RARB: variants seen among roughly 807,000 people sequenced by gnomAD.
The protein encoded by RARB is retinoic acid receptor beta.
In RARB, 17 loss-of-function variants were observed where a neutral mutation model predicts 51.9. That is an observed-to-expected ratio of 0.33 (90% CI 0.22 to 0.49). The LOEUF (loss-of-function observed/expected upper bound fraction) is 0.49. Ranked by LOEUF, RARB falls within the 20% of genes least tolerant of loss-of-function variation. The pLI is 0.99. For synonymous variants in RARB, 215 were observed against 195.4 expected (o/e 1.10, Z -0.84); for missense variants, 369 against 550.8 (o/e 0.67, Z 3.30).
intron 4 of RARB, among the ~76,000 whole-genome samples, chr3:25,147,914 C>T (rs1404216196): frequency 6.6e-6 from 1 of 152,190 alleles, no homozygotes; most frequent in Non-Finnish European, 1.5e-5. Context: ...ACATTGAATA[C>T]ATCTGTAATT....
In RARB at chr3:25,171,690, C is replaced by T. The variant is rs193125797; in HGVS notation, c.-279-2429C>T. Among the ~76,000 whole-genome samples, 37 of 111,222 alleles carry T rather than the reference C, an allele frequency of 3.3e-4. 2 individuals are homozygous for T. The South Asian group carries it at 9.6e-3, about 29-fold the overall frequency. 73.0% of individuals were successfully genotyped at this position (111,222 alleles called of 152,430 possible). On this transcript the variant is annotated intron_variant, in intron 4 of 11. Coordinates refer to the RARB transcript ENST00000383772. ...CTTTAAAAATCAGAATTGTGCCCTG[C>T]GGGGGTGGATTTGCTGAACTGTCAG...
At chr3:24,885,666 A>G (rs1259054162) in intron 2 of RARB, among the ~76,000 whole-genome samples, 2 of 152,274 alleles carry the variant, frequency 1.3e-5, no homozygotes, top group East Asian at 3.9e-4. Context: ...CAGTGTTAAG[A>G]TTCCTCAGCT....
At chr3:25,045,094 T>C (rs1312141932) in intron 2 of RARB, among the ~76,000 whole-genome samples, 2 of 152,292 alleles carry the variant, frequency 1.3e-5, no homozygotes, top group African/African-American at 4.8e-5. Flanking sequence ...TCAGGAGGTT[T>C]GAGAGGAGCG....
intron 3 of RARB, among the ~76,000 whole-genome samples, chr3:25,542,640 T>A (rs914687108): frequency 6.6e-6 from 1 of 152,248 alleles, no homozygotes; most frequent in Non-Finnish European, 1.5e-5. Flanking sequence ...TAACGAAGCT[T>A]TGCAGCTGTG....
At chr3:25,546,967 T>C (rs1245063208) in intron 3 of RARB, among the ~76,000 whole-genome samples, 1 of 152,228 alleles carries the variant, frequency 6.6e-6, no homozygotes, top group African/African-American at 2.4e-5. Flanking sequence ...TTAACTTATA[T>C]AGCAATTTGC....
intron 1 of RARB, 120 bp from the exon 2 acceptor site, chr3:25,461,073 C>A (rs1695155275): frequency 8.6e-7 from 1 of 1,158,388 alleles, no homozygotes. Flanking sequence ...TTTTATGAGC[C>A]CATTCTTGCT....
chr3:25,348,315 T>G (rs1705457912), intron 5 of RARB, among the ~76,000 whole-genome samples: 1 of 152,156 alleles, frequency 6.6e-6, no homozygotes. Flanking sequence ...TTTATTATCT[T>G]AAATAAAAAT....
rs1707892097 is a variant in RARB, at chr3:25,422,635, G to GACAATAAGAAAAAAGACAA, written c.179-38558_179-38557insACAATAAGAAAAAAGACAA. ...TATGGAAGGAAATGAAGACAATAAGGTAGAAAAGTGAGAAATTACCAGCCA... is the reference window on the plus strand; with the variant it reads ...TATGGAAGGAAATGAAGACAATAAGGACAATAAGAAAAAAGACAATAGAAAAGTGAGAAATTACCAGCCA... On this transcript the variant is annotated intron_variant, in intron 5 of 11. Coordinates refer to the RARB transcript ENST00000383772. 2.6e-5 allele frequency among the ~76,000 whole-genome samples: 4 copies of GACAATAAGAAAAAAGACAA among 152,020 alleles called. 1 individual carries two copies. The highest frequency in any genetic ancestry group is 9.7e-5 in the African/African-American group (4 of 41,436).
intron 5 of RARB, among the ~76,000 whole-genome samples, chr3:25,581,372 C>T (rs565810290): frequency 1.4e-4 from 21 of 152,294 alleles, no homozygotes; most frequent in Admixed American, 1.3e-3. Flanking sequence ...GGCCTCCCTG[C>T]GTACATACGT....
intron 1 of RARB, among the ~76,000 whole-genome samples, chr3:25,434,759 C>G (rs749614167): frequency 1.3e-5 from 2 of 151,894 alleles, no homozygotes; most frequent in Non-Finnish European, 2.9e-5. Context: ...CCAGGATGGT[C>G]TCGATCTCCT....
chr3:25,374,130 G>A (rs1706386283), intron 5 of RARB, among the ~76,000 whole-genome samples: 2 of 152,164 alleles, frequency 1.3e-5, no homozygotes, highest in Non-Finnish European at 1.5e-5. Context: ...GAGGGTAGGA[G>A]GGCTGAGTGG....
intron 5 of RARB, among the ~76,000 whole-genome samples, chr3:25,308,622 T>C (rs945395665): frequency 6.6e-6 from 1 of 152,084 alleles, no homozygotes; most frequent in Admixed American, 6.6e-5. Flanking sequence ...CTAATTTTTG[T>C]ATTTTTAGTA....
chr3:25,552,785 T>C (rs1051724169), intron 3 of RARB, among the ~76,000 whole-genome samples: 1 of 152,168 alleles, frequency 6.6e-6, no homozygotes, highest in Non-Finnish European at 1.5e-5. Context: ...TACTACAAAA[T>C]AATCTTGGGA....
intron 1 of RARB, among the ~76,000 whole-genome samples, chr3:25,430,844 T>A (rs1708174841): frequency 6.6e-6 from 1 of 152,134 alleles, no homozygotes; most frequent in South Asian, 2.1e-4. Context: ...AGAGTTTGAA[T>A]CCCACACCCC....
At chr3:25,429,972 G>A (rs1422050473) in intron 1 of RARB, among the ~76,000 whole-genome samples, 2 of 152,196 alleles carry the variant, frequency 1.3e-5, no homozygotes, top group African/African-American at 4.8e-5. Flanking sequence ...AAGAAATTGA[G>A]TTTTCCTAAT....
At chr3:24,868,679 C>G (rs991956252) in intron 2 of RARB, among the ~76,000 whole-genome samples, 1 of 152,164 alleles carries the variant, frequency 6.6e-6, no homozygotes, top group African/African-American at 2.4e-5. Flanking sequence ...CATTTACAAT[C>G]TATTCTCTCT....
chr3:24,972,512 G>A (rs572106580), intron 2 of RARB, among the ~76,000 whole-genome samples: 12 of 151,894 alleles, frequency 7.9e-5, no homozygotes, highest in Admixed American at 2.0e-4. Flanking sequence ...ACCATCAGTG[G>A]AATTGCTAGT....
chr3:25,417,013 C>T (rs1707722541), intron 5 of RARB, among the ~76,000 whole-genome samples: 1 of 152,146 alleles, frequency 6.6e-6, no homozygotes, highest in African/African-American at 2.4e-5. Context: ...CAGTAATCAA[C>T]TTCATATATT....
Position 25,226,501 on chromosome 3 carries a change from C to T in RARB, c.178+51926C>T, listed in dbSNP as rs147424813. On this transcript the variant is annotated intron_variant, in intron 5 of 11. Transcript: ENST00000383772. ...TGTATTTTGTTGAGCTTTCTACACACGTTTTCTTGTTTTCTGAGAATAAAA... is the reference window on the plus strand; with the variant it reads ...TGTATTTTGTTGAGCTTTCTACACATGTTTTCTTGTTTTCTGAGAATAAAA... Among the ~76,000 whole-genome samples the T allele has an allele frequency of 6.3e-3, 958 of 152,262 alleles. 12 individuals are homozygous for T. Among genetic ancestry groups the T allele is most frequent in the African/African-American group, 0.022 (919 of 41,550 alleles).
Sources: allele counts gnomAD v4.1 joint callset (sites outside exome capture counted in the v4.1 genomes callset), GRCh38; gene constraint gnomAD v4.1.1; transcripts MANE v1.5; gene names NCBI Gene and HGNC (gene_info 2026-07-23, HGNC 2026-07-21).